CACNA2D3: variants seen among roughly 807,000 people sequenced by gnomAD.
CACNA2D3 encodes the protein voltage-dependent calcium channel subunit alpha-2/delta-3.
In CACNA2D3, 60 loss-of-function variants were observed where a neutral mutation model predicts 160.6. The ratio of observed to expected loss-of-function variants is 0.37; its 90% CI spans 0.30 to 0.46. The LOEUF (loss-of-function observed/expected upper bound fraction) is 0.46. Ranked by LOEUF, CACNA2D3 falls within the 20% of genes least tolerant of loss-of-function variation. CACNA2D3 has a pLI of 1.00. For missense variants in CACNA2D3, 1,205 were observed against 1,365.0 expected (o/e 0.88, Z 1.85); for synonymous variants, 558 against 492.9 (o/e 1.13, Z -1.75).
chr3:54,848,489 C>A (rs142007052), intron 17 of CACNA2D3, among the ~76,000 whole-genome samples: 38 of 152,310 alleles, frequency 2.5e-4, no homozygotes, highest in South Asian at 4.1e-4. Flanking sequence ...GCAGCTGATC[C>A]ATGACAAGAA....
intron 10 of CACNA2D3, among the ~76,000 whole-genome samples, chr3:54,631,931 CAA>C (rs1699246739): frequency 6.6e-6 from 1 of 152,162 alleles, no homozygotes; most frequent in Admixed American, 6.5e-5. Flanking sequence ...GGTGACATTT[CAA>C]AGACTGTTAA....
intron 2 of CACNA2D3, among the ~76,000 whole-genome samples, chr3:54,147,378 C>T (rs1280476450): frequency 3.9e-5 from 6 of 152,224 alleles, no homozygotes; most frequent in African/African-American, 1.2e-4. Flanking sequence ...AATTAGCAGA[C>T]GAAAGGAATC....
At chr3:54,930,095 A>G (rs1419310220) in intron 27 of CACNA2D3, among the ~76,000 whole-genome samples, 1 of 152,240 alleles carries the variant, frequency 6.6e-6, no homozygotes, top group Non-Finnish European at 1.5e-5. Context: ...GACAATACAT[A>G]AATCAATGGG....
chr3:54,470,688 C>A (rs575178300), intron 4 of CACNA2D3, among the ~76,000 whole-genome samples: 1 of 151,504 alleles, frequency 6.6e-6, no homozygotes, highest in East Asian at 2.0e-4. Flanking sequence ...CAAAGGCACC[C>A]ATAGGCTCAA....
At chr3:55,000,241 TA>T (rs1455277827) in intron 31 of CACNA2D3, among the ~76,000 whole-genome samples, 1 of 152,166 alleles carries the variant, frequency 6.6e-6, no homozygotes, top group African/African-American at 2.4e-5. Flanking sequence ...AAAATGGAGT[TA>T]TTTAAAACAG....
intron 27 of CACNA2D3, among the ~76,000 whole-genome samples, chr3:54,904,181 C>T (rs1700403379): frequency 6.6e-6 from 1 of 152,146 alleles, no homozygotes; most frequent in African/African-American, 2.4e-5. Flanking sequence ...CCTATTTTGC[C>T]TTAACTTACT....
intron 11 of CACNA2D3, among the ~76,000 whole-genome samples, chr3:54,698,938 G>A (rs1403399758): frequency 6.6e-6 from 1 of 152,162 alleles, no homozygotes; most frequent in African/African-American, 2.4e-5. Context: ...ACAACCACGT[G>A]AATGCAGGCG....
intron 4 of CACNA2D3, among the ~76,000 whole-genome samples, chr3:54,490,625 A>G (rs1022449040): frequency 2.0e-5 from 3 of 152,242 alleles, no homozygotes; most frequent in East Asian, 1.9e-4. Context: ...GCCTGGTGCC[A>G]GGACTGTGGA....
chr3:54,567,349 T>A (rs954033780), intron 6 of CACNA2D3, among the ~76,000 whole-genome samples: 1 of 152,180 alleles, frequency 6.6e-6, no homozygotes, highest in African/African-American at 2.4e-5. Context: ...ACTAAATATT[T>A]TTTGAGGAAG....
chr3:55,062,245 G>A (rs577925786), intron 35 of CACNA2D3, among the ~76,000 whole-genome samples: 6 of 151,300 alleles, frequency 4.0e-5, no homozygotes, highest in African/African-American at 7.3e-5. Flanking sequence ...TCAGCCTCCC[G>A]AGTAGCTGGG....
chr3:54,244,251 C>T lies in CACNA2D3; in HGVS notation c.205-76191C>T, dbSNP rs117126521. On this transcript the variant is annotated intron_variant, in intron 2 of 37. Coordinates refer to ENST00000474759, the MANE Select transcript of CACNA2D3 (RefSeq NM_018398.3). ...ACTAGTCTGGGCTGGTGTGAGGAAG[C>T]GCCCCGAATCTGTGGCCTGGGAAGA... 8.3e-3 allele frequency among the ~76,000 whole-genome samples: 1,271 copies of T among 152,250 alleles called. 16 individuals carry two copies. Among genetic ancestry groups the T allele is most frequent in the East Asian group, 0.046 (239 of 5,176 alleles).
intron 5 of CACNA2D3, among the ~76,000 whole-genome samples, chr3:54,509,687 G>C (rs192680534): frequency 1.4e-3 from 211 of 152,236 alleles, no homozygotes; most frequent in Non-Finnish European, 2.4e-3. Context: ...AGCAATATGA[G>C]CATAATAGGA....
intron 11 of CACNA2D3, among the ~76,000 whole-genome samples, chr3:54,677,991 G>A (rs923440970): frequency 6.6e-6 from 1 of 152,166 alleles, no homozygotes; most frequent in Non-Finnish European, 1.5e-5. Flanking sequence ...AAAATTCACA[G>A]AACAAAAATG....
At chr3:54,837,848 C>T (rs750857240) in intron 15 of CACNA2D3, among the ~76,000 whole-genome samples, 1 of 152,132 alleles carries the variant, frequency 6.6e-6, no homozygotes, top group East Asian at 1.9e-4. Context: ...TTAGAGCCCA[C>T]GCTAAATCCA....
intron 11 of CACNA2D3, among the ~76,000 whole-genome samples, chr3:54,716,752 C>G (rs986645180): frequency 2.0e-5 from 3 of 152,166 alleles, no homozygotes; most frequent in Non-Finnish European, 2.9e-5. Flanking sequence ...TTCCATGTCT[C>G]AGCTTCCAAG....
At chr3:54,816,317 T>C (rs899959743) in intron 13 of CACNA2D3, among the ~76,000 whole-genome samples, 2 of 152,210 alleles carry the variant, frequency 1.3e-5, no homozygotes, top group African/African-American at 4.8e-5. Context: ...ACTTTGGCAC[T>C]ATGGATATAT....
At chr3:54,180,917 AGGAG>A (rs1700771166) in intron 2 of CACNA2D3, among the ~76,000 whole-genome samples, 1 of 152,214 alleles carries the variant, frequency 6.6e-6, no homozygotes, top group Non-Finnish European at 1.5e-5. Context: ...CATTTGCAAA[AGGAG>A]GCTACCTGAT....
chr3:54,731,221 AT>A lies in CACNA2D3; in HGVS notation c.1168-21375del, dbSNP rs1218364734. The stretch of plus-strand genomic sequence containing the variant: ...ACTTTTTTCAAATTCTCAGACTCAC[AT>A]TTCCTCTAAGTAATTAGGAAAGATA... On this transcript the variant is annotated intron_variant, in intron 11 of 37. Transcript: ENST00000474759. 5.9e-5 allele frequency among the ~76,000 whole-genome samples: 9 copies of A among 151,868 alleles called. No homozygotes were observed. The East Asian group carries it at 1.7e-3, about 29-fold the overall frequency.
intron 2 of CACNA2D3, among the ~76,000 whole-genome samples, chr3:54,311,913 A>C (rs1703751790): frequency 6.6e-6 from 1 of 152,206 alleles, no homozygotes; most frequent in Non-Finnish European, 1.5e-5. Context: ...TATCTCTTGC[A>C]CTGTGGCTGT....
Sources: allele counts gnomAD v4.1 joint callset (sites outside exome capture counted in the v4.1 genomes callset), GRCh38; gene constraint gnomAD v4.1.1; transcripts MANE v1.5; gene names NCBI Gene and HGNC (gene_info 2026-07-23, HGNC 2026-07-21).